Variants in CAST observed in about 807,000 individuals in gnomAD.
CAST encodes the protein MIR583 host.
A neutral mutation model predicts 119.6 loss-of-function variants in CAST; 76 were observed. That is an observed-to-expected ratio of 0.64 (90% CI 0.53 to 0.77). The LOEUF is 0.77. CAST is among the 30% of genes least tolerant of loss of function. The pLI is 0.00. For synonymous variants in CAST, 319 were observed against 331.6 expected (o/e 0.96, Z 0.41); for missense variants, 953 against 946.5 (o/e 1.01, Z -0.09).
the CAST span, among the ~76,000 whole-genome samples, chr5:95,981,260 T>A: frequency 1.3e-4 from 20 of 152,272 alleles, no homozygotes; most frequent in Non-Finnish European, 2.5e-4. Flanking sequence ...TTAAACCTCA[T>A]GGGGTAAAGG....
the CAST span, among the ~76,000 whole-genome samples, chr5:96,429,489 C>T: frequency 6.6e-6 from 1 of 151,896 alleles, no homozygotes; most frequent in East Asian, 1.9e-4. Context: ...AGTACAAGTA[C>T]AGGTTTGTTA....
chr5:96,006,299 A>G, the CAST span, among the ~76,000 whole-genome samples: 1 of 152,120 alleles, frequency 6.6e-6, no homozygotes, highest in African/African-American at 2.4e-5. Flanking sequence ...TCCCTGGGCC[A>G]CAATGGAAGA....
intron 3 of CAST, among the ~76,000 whole-genome samples, chr5:96,709,471 C>G (rs987206947): frequency 6.6e-6 from 1 of 152,168 alleles, no homozygotes; most frequent in African/African-American, 2.4e-5. Flanking sequence ...TAAAGCTTAC[C>G]TATCTATTTT....
chr5:96,109,262 A>G, the CAST span, among the ~76,000 whole-genome samples: 1 of 152,206 alleles, frequency 6.6e-6, no homozygotes, highest in Non-Finnish European at 1.5e-5. Flanking sequence ...CATGCTTTCT[A>G]TCAGAATTAT....
At chr5:95,969,482 T>C in the CAST span, among the ~76,000 whole-genome samples, 1 of 152,154 alleles carries the variant, frequency 6.6e-6, no homozygotes, top group South Asian at 2.1e-4. Flanking sequence ...CTGTATCATT[T>C]GGGAATTTGA....
At chr5:96,289,429 C>G in the CAST span, among the ~76,000 whole-genome samples, 57 of 152,206 alleles carry the variant, frequency 3.7e-4, no homozygotes, top group African/African-American at 1.3e-3. Context: ...ATAATTGAAT[C>G]ATGGGGGCGG....
the CAST span, among the ~76,000 whole-genome samples, chr5:96,222,012 G>A: frequency 6.6e-6 from 1 of 152,090 alleles, no homozygotes; most frequent in Non-Finnish European, 1.5e-5. Context: ...CTGGGGAAAG[G>A]ACATGCTTTT....
chr5:96,008,815 TG>T, the CAST span, among the ~76,000 whole-genome samples: 1 of 152,220 alleles, frequency 6.6e-6, no homozygotes, highest in East Asian at 1.9e-4. Flanking sequence ...GGTGATATTA[TG>T]TTTTGTTTTT....
At chr5:96,544,746 A>C (rs1745974697) in intron 1 of CAST, among the ~76,000 whole-genome samples, 1 of 152,074 alleles carries the variant, frequency 6.6e-6, no homozygotes, top group Non-Finnish European at 1.5e-5. Context: ...AATATGGTAG[A>C]TATTAACCCA....
chr5:95,980,276 G>T, the CAST span: 9 of 152,160 alleles, frequency 5.9e-5, no homozygotes, highest in African/African-American at 1.9e-4. Context: ...TATAGTTCTT[G>T]GTGCTGGCTT....
At chr5:96,299,374 A>C in the CAST span, among the ~76,000 whole-genome samples, 1 of 152,224 alleles carries the variant, frequency 6.6e-6, no homozygotes, top group Non-Finnish European at 1.5e-5. Context: ...AAGGCAATAG[A>C]AAAAGACTGA....
chr5:96,638,696 C>T (rs892141708), intron 1 of CAST, among the ~76,000 whole-genome samples: 2 of 152,142 alleles, frequency 1.3e-5, no homozygotes, highest in Non-Finnish European at 2.9e-5. Flanking sequence ...CTCTCAAAGT[C>T]CCTCTCAGCC....
the CAST span, among the ~76,000 whole-genome samples, chr5:96,504,486 G>C: frequency 6.6e-6 from 1 of 151,270 alleles, no homozygotes; most frequent in African/African-American, 2.4e-5. Context: ...TTTTAAATTT[G>C]CAATCGTATC....
the CAST span, among the ~76,000 whole-genome samples, chr5:96,517,051 A>C: frequency 7.2e-5 from 11 of 152,254 alleles, no homozygotes; most frequent in African/African-American, 2.6e-4. Context: ...AAGCCAAGAA[A>C]ATCTTCAGTC....
the CAST span, among the ~76,000 whole-genome samples, chr5:96,010,083 G>A: frequency 6.6e-6 from 1 of 152,086 alleles, no homozygotes; most frequent in South Asian, 2.1e-4. Context: ...TGTCAGCCTT[G>A]TCAAAGATCA....
chr5:96,100,411 T>C, the CAST span, among the ~76,000 whole-genome samples: 1 of 152,324 alleles, frequency 6.6e-6, no homozygotes, highest in South Asian at 2.1e-4. Context: ...TCTTGAGCCT[T>C]AGCCCACAAC....
At chr5:96,446,043 C>CAG in the CAST span, among the ~76,000 whole-genome samples, 9 of 152,040 alleles carry the variant, frequency 5.9e-5, no homozygotes, top group East Asian at 1.7e-3. Flanking sequence ...GAGACGGAGT[C>CAG]TCCCTATGTT....
chr5:96,291,360 C>T, the CAST span, among the ~76,000 whole-genome samples: 1 of 152,138 alleles, frequency 6.6e-6, no homozygotes, highest in Non-Finnish European at 1.5e-5. Flanking sequence ...GTCAATAACC[C>T]CCTGCTTTTT....
At chr5:96,702,016 C>T (rs770471721) in intron 3 of CAST, among the ~76,000 whole-genome samples, 23 of 152,030 alleles carry the variant, frequency 1.5e-4, no homozygotes, top group Non-Finnish European at 3.1e-4. Context: ...ATGAGTTCAC[C>T]TTTTTCATGC....
Sources: gnomAD v4.1 joint callset for allele counts (sites outside exome capture counted in the v4.1 genomes callset) on GRCh38, gnomAD v4.1.1 for gene constraint, MANE v1.5 for transcripts, NCBI Gene and HGNC (gene_info 2026-07-23, HGNC 2026-07-21) for gene names.